SCOC: variants seen among roughly 807,000 people sequenced by gnomAD.
The protein encoded by SCOC is short coiled-coil protein.
Under a neutral mutation model 9.9 loss-of-function variants are expected in SCOC, and 7 were observed. The ratio of observed to expected loss-of-function variants is 0.71; its 90% CI spans 0.40 to 1.33. The LOEUF (loss-of-function observed/expected upper bound fraction) is 1.33. Ranked by LOEUF, SCOC falls within the 40% of genes most tolerant of loss-of-function variation. SCOC has a pLI of 0.01. For missense variants in SCOC, 66 were observed against 89.7 expected, an observed-to-expected ratio of 0.74 and a Z score of 1.07; for synonymous variants, 19 against 28.2, an observed-to-expected ratio of 0.67 and a Z score of 1.03.
chr4:140,351,979 G>A (rs749382691), intron 2 of SCOC, among the ~76,000 whole-genome samples: 7 of 152,180 alleles, frequency 4.6e-5, no homozygotes, highest in South Asian at 2.1e-4. Context: ...TCTGCCAAGC[G>A]GCCATTGCCA....
intron 1 of SCOC, among the ~76,000 whole-genome samples, chr4:140,258,355 G>T (rs1049776968): frequency 3.3e-5 from 5 of 152,120 alleles, no homozygotes; most frequent in Non-Finnish European, 7.4e-5. Context: ...AGTGTTCCTT[G>T]GTTCTCCTTG....
intron 2 of SCOC, among the ~76,000 whole-genome samples, chr4:140,362,311 T>TCTCC: frequency 1.2e-4 from 1 of 8,498 alleles, no homozygotes; most frequent in South Asian, 3.4e-3. Context: ...TTTTTTTTTT[T>TCTCC]TTTTGTGAGA....
At chr4:140,293,120 A>G (rs1024637798) in intron 1 of SCOC, 1 of 365,158 alleles carries the variant, frequency 2.7e-6, no homozygotes, top group Non-Finnish European at 5.4e-6. Context: ...CGTGTAGCTC[A>G]TGTGTTCCCC....
intron 1 of SCOC, among the ~76,000 whole-genome samples, chr4:140,288,259 C>T (rs762312066): frequency 6.6e-6 from 1 of 151,964 alleles, no homozygotes; most frequent in Non-Finnish European, 1.5e-5. Flanking sequence ...TCTATACATA[C>T]TATGTACACG....
In SCOC at chr4:140,297,916, T is replaced by C. The variant is rs180674360; in HGVS notation, c.-19+40506T>C. 1.1e-4 allele frequency among the ~76,000 whole-genome samples: 16 copies of C among 152,346 alleles called. No individual in the cohort carries two copies. In the East Asian group the frequency reaches 2.9e-3, roughly 28 times the overall value. Reference sequence around the variant, plus strand: ...TCACAGGTATCAATTTCATTCCACATATTCAGATGTGTCTGAAACATAATT... The same window carrying C: ...TCACAGGTATCAATTTCATTCCACACATTCAGATGTGTCTGAAACATAATT... On this transcript the variant is annotated intron_variant, in intron 1 of 4. Coordinates refer to the SCOC transcript ENST00000394205.
upstream of SCOC, among the ~76,000 whole-genome samples, chr4:140,342,889 T>C (rs956716612): frequency 6.6e-6 from 1 of 152,166 alleles, no homozygotes; most frequent in Non-Finnish European, 1.5e-5. Flanking sequence ...AGGGAGACCT[T>C]GCTGTTTCAA....
upstream of SCOC, among the ~76,000 whole-genome samples, chr4:140,340,005 T>C (rs1006559967): frequency 2.6e-5 from 4 of 152,200 alleles, no homozygotes; most frequent in African/African-American, 9.7e-5. Flanking sequence ...TGCACACATA[T>C]GTTTATTGCA....
At chr4:140,314,739 C>A (rs753388186) in intron 1 of SCOC, among the ~76,000 whole-genome samples, 17 of 152,064 alleles carry the variant, frequency 1.1e-4, no homozygotes, top group Non-Finnish European at 2.2e-4. Flanking sequence ...GAGCAGCTAG[C>A]GAGGTGCTAA....
chr4:140,365,839 GTTAA>G (rs768206395), intron 2 of SCOC, among the ~76,000 whole-genome samples: 1 of 152,060 alleles, frequency 6.6e-6, no homozygotes, highest in Non-Finnish European at 1.5e-5. Flanking sequence ...CAAAATATGT[GTTAA>G]TTGACTGTTT....
intron 2 of SCOC, among the ~76,000 whole-genome samples, chr4:140,364,777 A>T: frequency 6.6e-6 from 1 of 152,024 alleles, no homozygotes; most frequent in African/African-American, 2.4e-5. Context: ...CTACCTTTAA[A>T]TTTTTTTCTG....
intron 1 of SCOC, among the ~76,000 whole-genome samples, chr4:140,309,810 C>T (rs1369035559): frequency 1.3e-5 from 2 of 152,142 alleles, no homozygotes; most frequent in Non-Finnish European, 2.9e-5. Flanking sequence ...CCATTCCTGT[C>T]TCCCCCAAAC....
intron 1 of SCOC, among the ~76,000 whole-genome samples, chr4:140,295,894 G>C (rs1406021961): frequency 7.5e-6 from 1 of 133,746 alleles, no homozygotes; most frequent in Admixed American, 8.5e-5. Flanking sequence ...TCGCTCCACT[G>C]CACTCCAGCC....
intron 1 of SCOC, among the ~76,000 whole-genome samples, chr4:140,311,813 TTG>T (rs1291730905): frequency 6.6e-6 from 1 of 152,198 alleles, no homozygotes; most frequent in Non-Finnish European, 1.5e-5. Context: ...AATGAAAGAA[TTG>T]TGTAAAGATC....
intron 1 of SCOC, among the ~76,000 whole-genome samples, chr4:140,269,542 C>G (rs1240167193): frequency 4.6e-5 from 7 of 152,216 alleles, no homozygotes; most frequent in Non-Finnish European, 1.0e-4. Flanking sequence ...AGCTGCCAGT[C>G]AAGTATCTTT....
intron 2 of SCOC, chr4:140,366,264 G>GT: frequency 7.6e-7 from 1 of 1,322,454 alleles, no homozygotes; most frequent in Non-Finnish European, 9.9e-7. Flanking sequence ...TGGAGCAGGT[G>GT]CTTTCTGGGC....
intron 1 of SCOC, among the ~76,000 whole-genome samples, chr4:140,264,770 C>A (rs1159196941): frequency 1.3e-5 from 2 of 152,184 alleles, no homozygotes; most frequent in East Asian, 1.9e-4. Context: ...TAAAAAATTT[C>A]ATGAGTTCTT....
chr4:140,370,837 A>C (rs939752490), upstream of SCOC, among the ~76,000 whole-genome samples: 1 of 151,740 alleles, frequency 6.6e-6, no homozygotes, highest in African/African-American at 2.4e-5. Context: ...TGGCCTACTT[A>C]CGTTATTTGC....
chr4:140,383,287 T>C lies in SCOC; in HGVS notation c.*2183T>C, dbSNP rs1560734960. 6.6e-6 allele frequency: 1 copy of C among 152,216 alleles called. No homozygotes were observed. Among genetic ancestry groups the C allele is most frequent in the Non-Finnish European group, 1.5e-5 (1 of 68,054 alleles). 9.4% of individuals were successfully genotyped at this position (152,216 alleles called of 1,614,324 possible). Reference sequence around the variant, plus strand: ...TAATCCCTCTTCATCCAGCTAGTGATTCAGCTCACAATCTAGGATCTCTAT... The same window carrying C: ...TAATCCCTCTTCATCCAGCTAGTGACTCAGCTCACAATCTAGGATCTCTAT... On this transcript the variant is annotated 3_prime_UTR_variant, in exon 4 of 4. Coordinates refer to ENST00000608372, the MANE Select transcript of SCOC (RefSeq NM_001153484.2).
intron 2 of SCOC, among the ~76,000 whole-genome samples, chr4:140,353,722 T>C (rs947451209): frequency 1.3e-5 from 2 of 152,260 alleles, no homozygotes; most frequent in South Asian, 2.1e-4. Context: ...GTCCTCAACA[T>C]TGGGAACACA....
Sources: allele counts gnomAD v4.1 joint callset (sites outside exome capture counted in the v4.1 genomes callset), GRCh38; gene constraint gnomAD v4.1.1; transcripts MANE v1.5; gene names NCBI Gene and HGNC (gene_info 2026-07-23, HGNC 2026-07-21).